PAPOLG: variants seen among roughly 807,000 people sequenced by gnomAD.
PAPOLG encodes poly(A) polymerase gamma.
A neutral mutation model predicts 99.0 loss-of-function variants in PAPOLG; 40 were observed. The ratio of observed to expected loss-of-function variants is 0.40; its 90% confidence interval spans 0.31 to 0.53. The LOEUF (loss-of-function observed/expected upper bound fraction) is 0.53, where lower values mean the gene tolerates loss of function less well. Among genes scored for constraint, PAPOLG ranks in the 20% least tolerant of loss-of-function variants. The probability of loss-of-function intolerance (pLI) is 0.41; values close to 1 mark genes in which losing one functional copy is unlikely to be tolerated. For synonymous variants in PAPOLG, 310 were observed against 299.3 expected (o/e 1.04, Z -0.37); for missense variants, 675 against 884.1 (o/e 0.76, Z 3.00).
At chr2:60,761,439 A>C (rs1314836591) in intron 2 of PAPOLG, among the ~76,000 whole-genome samples, 1 of 152,214 alleles carries the variant, frequency 6.6e-6, no homozygotes, top group East Asian at 1.9e-4. Flanking sequence ...GAAAGTTGAC[A>C]GTTCACTAAG....
chr2:60,793,771 C>T (rs2103826603), intron 18 of PAPOLG, 56 bp downstream of exon 18: 1 of 1,543,380 alleles, frequency 6.5e-7, no homozygotes, highest in Non-Finnish European at 8.8e-7. Context: ...ATTAGCTAGG[C>T]ATGGTGGCAC....
At chr2:60,777,835 T>C (rs1051421254) in intron 8 of PAPOLG, among the ~76,000 whole-genome samples, 2 of 152,194 alleles carry the variant, frequency 1.3e-5, no homozygotes, top group Non-Finnish European at 1.5e-5. Flanking sequence ...TCAGAACATA[T>C]ACATTTACCA....
rs376168255 is a variant in PAPOLG at position 60,794,742 on chromosome 2, C to G, written c.2022C>G (p.Pro674=). ...FIRLESTFKD[P]RTAEERKRKS... ...GACTTGAATCAACATTTAAGGACCC[C>G]CGCACTGCTGAAGAAAGAAAAAGAA... Residue 674 remains proline (P), a synonymous_variant, in exon 20 of 22, where the codon CCC becomes CCG. Transcript: ENST00000238714. 6.2e-6 allele frequency: 10 copies of G among 1,611,110 alleles called. No homozygotes were observed. The highest frequency in any genetic ancestry group is 7.6e-6 in the Non-Finnish European group (9 of 1,177,660).
chr2:60,759,442 A>G (rs911028062), intron 1 of PAPOLG, among the ~76,000 whole-genome samples: 1 of 152,168 alleles, frequency 6.6e-6, no homozygotes, highest in Non-Finnish European at 1.5e-5. Flanking sequence ...GATGGCTAAG[A>G]TGTTTGGAGG....
intron 13 of PAPOLG, among the ~76,000 whole-genome samples, chr2:60,786,732 G>T (rs1342837006): frequency 6.6e-6 from 1 of 152,106 alleles, no homozygotes; most frequent in Non-Finnish European, 1.5e-5. Flanking sequence ...ATTTTGCCGT[G>T]TTGGCCAAAC....
Position 60,797,068 on chromosome 2 carries a change from C to G in PAPOLG, c.2119C>G (p.Pro707Ala). ...TCCTCTTTCTTTCTAATAGAGACTA[C>G]CCAGTAAAGAACTACCAGATTCATC... The part of the protein sequence containing the change: ...TIDTSRKKRL[P>A]SKELPDSSSP... The change falls in exon 22 of 22, where the codon CCC (proline) becomes GCC (alanine). Residue 707 changes from proline (P) to alanine (A), a missense_variant. By Grantham distance (27) the Pro-to-Ala change is conservative. Coordinates refer to ENST00000238714, the MANE Select transcript of PAPOLG (RefSeq NM_022894.4). 1 of 1,611,830 alleles carries G rather than the reference C, an allele frequency of 6.2e-7. No homozygotes were observed. Among genetic ancestry groups the G allele is most frequent in the Middle Eastern group, 1.7e-4 (1 of 6,054 alleles).
intron 8 of PAPOLG, 56 bp from the exon 9 acceptor site, chr2:60,779,581 A>G: frequency 6.6e-7 from 1 of 1,523,844 alleles, no homozygotes; most frequent in Non-Finnish European, 8.9e-7. Flanking sequence ...AGAAAAAAAA[A>G]GAATGTCACA....
intron 20 of PAPOLG, 46 bp downstream of exon 20, chr2:60,794,821 C>T (rs1339058602): frequency 6.5e-7 from 1 of 1,546,254 alleles, no homozygotes; most frequent in African/African-American, 1.4e-5. Context: ...TGTAAAGCGC[C>T]ATGTATCAGG....
At chr2:60,773,390 A>G (rs1185743514) in intron 7 of PAPOLG, among the ~76,000 whole-genome samples, 1 of 152,226 alleles carries the variant, frequency 6.6e-6, no homozygotes. Context: ...CGTTTCATAT[A>G]AAAATAATCC....
chr2:60,783,386 G>A (rs929728081), intron 13 of PAPOLG, among the ~76,000 whole-genome samples, 177 bp downstream of exon 13: 2 of 134,404 alleles, frequency 1.5e-5, no homozygotes, highest in African/African-American at 5.6e-5. Context: ...GCAGTGTCGC[G>A]ATCTCAGTTT....
intron 6 of PAPOLG, among the ~76,000 whole-genome samples, chr2:60,770,866 G>A (rs375327758): frequency 3.9e-5 from 6 of 152,120 alleles, no homozygotes; most frequent in Middle Eastern, 3.4e-3. Flanking sequence ...CTCGTGATCC[G>A]CCCACCTTGG....
chr2:60,778,616 A>G (rs1346675882), intron 8 of PAPOLG, among the ~76,000 whole-genome samples: 1 of 152,196 alleles, frequency 6.6e-6, no homozygotes, highest in Non-Finnish European at 1.5e-5. Context: ...TGGTATGTGA[A>G]TTACATCTCA....
intron 13 of PAPOLG, among the ~76,000 whole-genome samples, chr2:60,783,976 TTTTA>T (rs1349864994): frequency 1.3e-5 from 2 of 152,144 alleles, no homozygotes; most frequent in African/African-American, 4.8e-5. Context: ...TTTTCTTTGT[TTTTA>T]TTTTTTATTT....
At chr2:60,756,641 C>G in intron 1 of PAPOLG, 146 bp downstream of exon 1, 2 of 883,072 alleles carry the variant, frequency 2.3e-6, no homozygotes, top group South Asian at 3.5e-5. Flanking sequence ...GGCCGGTCCG[C>G]AAGGGCACCT....
intron 21 of PAPOLG, among the ~76,000 whole-genome samples, chr2:60,795,569 C>T (rs2103830474): frequency 6.6e-6 from 1 of 151,136 alleles, no homozygotes; most frequent in South Asian, 2.1e-4. Context: ...AGCAAGTACT[C>T]AAAAACCAGC....
chr2:60,797,247 T>C lies in PAPOLG; in HGVS notation c.*87T>C. 6.6e-7 allele frequency: 1 copy of C among 1,506,120 alleles called. No homozygotes were observed. The highest frequency in any genetic ancestry group is 1.1e-5 in the South Asian group (1 of 87,662). 93.3% of individuals were successfully genotyped at this position (1,506,120 alleles called of 1,614,324 possible). ...GTTTTTTAAATAGAAGTGGCTGTCA[T>C]ACGTGAAATAAGGTGAAAGTGACAG... On this transcript the variant is annotated 3_prime_UTR_variant, in exon 22 of 22. Coordinates refer to ENST00000238714, the MANE Select transcript of PAPOLG (RefSeq NM_022894.4).
intron 4 of PAPOLG, 74 bp from the exon 5 acceptor site, chr2:60,768,707 A>G: frequency 1.4e-6 from 2 of 1,391,392 alleles, no homozygotes; most frequent in South Asian, 1.4e-5. Context: ...TCTTCTGTAC[A>G]TATGTTTGTG....
chr2:60,782,476 G>C (rs1671218876), intron 11 of PAPOLG, among the ~76,000 whole-genome samples: 1 of 151,698 alleles, frequency 6.6e-6, no homozygotes, highest in Non-Finnish European at 1.5e-5. Flanking sequence ...AGAATCGCTT[G>C]AACCCAGGAG....
intron 1 of PAPOLG, 51 bp from the exon 2 acceptor site, chr2:60,760,083 A>C (rs188401048): frequency 6.5e-7 from 1 of 1,541,230 alleles, no homozygotes; most frequent in East Asian, 2.3e-5. Context: ...GTGTATCAGT[A>C]TGGTATATAC....
Sources: gnomAD v4.1 joint callset for allele counts (sites outside exome capture counted in the v4.1 genomes callset) on GRCh38, gnomAD v4.1.1 for gene constraint, MANE v1.5 for transcripts, NCBI Gene and HGNC (gene_info 2026-07-23, HGNC 2026-07-21) for gene names.